The following OR4K14 variants were observed in gnomAD, a reference collection of about 807,000 sequenced individuals.
The protein encoded by OR4K14 is olfactory receptor 4K14.
For missense variants in OR4K14, 406 were observed against 373.6 expected, an observed-to-expected ratio of 1.09 and a Z score of -0.72; for synonymous variants, 153 against 141.5, an observed-to-expected ratio of 1.08 and a Z score of -0.58.
At position 20,014,439 on chromosome 14, in the gene OR4K14, A is replaced by C. The variant is rs367811368; in HGVS notation, c.755T>G (p.Phe252Cys). Residue 252 changes from phenylalanine (F) to cysteine (C), a missense_variant, in exon 2 of 2, where the codon TTT becomes TGT. Transcript: ENST00000641793. ...SAHIMVVTLF[F>C]GPCIFVYVRP... ...CACATAAACAAAAATGCAAGGGCCA[A>C]AGAACAGCGTCACTACCATGATATG... 1.3e-4 allele frequency: 205 copies of C among 1,614,178 alleles called. 1 individual carries two copies. In the South Asian group the frequency reaches 1.5e-3, roughly 12 times the overall value.
chr14:20,014,803 A>G lies in OR4K14; in HGVS notation c.391T>C (p.Leu131=), dbSNP rs1488707587. Residue 131 remains leucine, a synonymous_variant, in exon 2 of 2, where the codon TTG becomes CTG. Coordinates refer to ENST00000641793, the MANE Select transcript of OR4K14 (RefSeq NM_001004712.2). ...YDRYVAICKP[L]HYMTLMSWQT... is the part of the protein sequence containing the mutation. ...CAACTCATCAAAGTCATGTAATGCA[A>G]GGGTTTGCATATGGCCACATATCTG... 47 of 1,614,040 alleles carry G rather than the reference A, an allele frequency of 2.9e-5. No individual in the cohort carries two copies. Among genetic ancestry groups the G allele is most frequent in the Non-Finnish European group, 3.8e-5 (45 of 1,180,022 alleles).
intron 1 of OR4K14, among the ~76,000 whole-genome samples, chr14:20,015,687 G>T (rs1256542944): frequency 6.6e-6 from 1 of 152,080 alleles, no homozygotes; most frequent in Non-Finnish European, 1.5e-5. Context: ...AGGAAGAAAA[G>T]AAGTAAGTGA....
chr14:20,015,250 T>G, intron 1 of OR4K14, 28 bp from the exon 2 acceptor site: 1 of 1,050,444 alleles, frequency 9.5e-7, no homozygotes, highest in Non-Finnish European at 1.4e-6. Flanking sequence ...TCCTGTCATT[T>G]GCAGCAACAC....
In OR4K14 at chr14:20,014,537, G is replaced by A; in HGVS notation, c.657C>T (p.Tyr219=). 1 of 1,614,116 alleles carries A rather than the reference G, an allele frequency of 6.2e-7. No homozygotes were observed. The highest frequency in any genetic ancestry group is 8.5e-7 in the Non-Finnish European group (1 of 1,179,996). The stretch of plus-strand genomic sequence containing the variant: ...GTCTGATAGCGAGGAGGATCACGGT[G>A]TAGGAGATCAGGAGGAGCAGAAAAC... ...LSCFLLLLIS[Y]TVILLAIRQR... Residue 219 remains tyrosine, a synonymous_variant, in exon 2 of 2, where the codon TAC becomes TAT. Transcript: ENST00000641793.
Position 20,014,991 on chromosome 14 carries a change from G to C in OR4K14, c.203C>G (p.Ala68Gly), listed in dbSNP as rs113203960. ...SPMYFLLGNL[A>G]FLDMWLASFA... Reference sequence around the variant, plus strand: ...TGAGGCCAGCCACATGTCCAGGAAAGCTAGGTTCCCCAGCAGGAAGTACAT... The same window carrying C: ...TGAGGCCAGCCACATGTCCAGGAAACCTAGGTTCCCCAGCAGGAAGTACAT... The change falls in exon 2 of 2, where the codon GCT becomes GGT. Residue 68 changes from alanine (A) to glycine (G), a missense_variant. Physicochemically the swap from Ala to Gly is moderately conservative, Grantham distance 60. Transcript: ENST00000641793. 1.9e-6 allele frequency: 3 copies of C among 1,613,918 alleles called. No individual in the cohort carries two copies. In the African/African-American group the frequency reaches 4.0e-5, roughly 22 times the overall value.
At chr14:20,015,310 A>G (rs1362336142) in intron 1 of OR4K14, 88 bp from the exon 2 acceptor site, 11 of 623,244 alleles carry the variant, frequency 1.8e-5, no homozygotes, top group Non-Finnish European at 3.0e-5. Flanking sequence ...AAAGACAAAT[A>G]TCAAATGATG....
rs762483500 is a variant in OR4K14 at position 20,014,460 on chromosome 14, A to T, written c.734T>A (p.Ile245Asn). 2 of 1,614,002 alleles carry T rather than the reference A, an allele frequency of 1.2e-6. No homozygotes were observed. Among genetic ancestry groups the T allele is most frequent in the Non-Finnish European group, 1.7e-6 (2 of 1,179,998 alleles). The part of the protein sequence containing the change: ...SKALSTCSAH[I>N]MVVTLFFGPC... ...GCCAAAGAACAGCGTCACTACCATGATATGTGCAGAGCAAGTGGAGAGTGC... is the reference window on the plus strand; with the variant it reads ...GCCAAAGAACAGCGTCACTACCATGTTATGTGCAGAGCAAGTGGAGAGTGC... The change falls in exon 2 of 2, where the codon ATC (isoleucine) becomes AAC (asparagine). Residue 245 changes from isoleucine (I) to asparagine (N), a missense_variant. By Grantham distance (149) the Ile-to-Asn change is moderately radical. Coordinates refer to ENST00000641793, the MANE Select transcript of OR4K14 (RefSeq NM_001004712.2).
rs1381801272 is a variant in OR4K14 at position 20,014,150 on chromosome 14, T to G, written c.*111A>C. 1 of 688,590 alleles carries G rather than the reference T, an allele frequency of 1.5e-6. No homozygotes were observed. Among genetic ancestry groups the G allele is most frequent in the African/African-American group, 1.8e-5 (1 of 55,808 alleles). The allele number at this position is 688,590 out of a possible 1,614,324, so 42.7% of individuals were successfully genotyped here. The stretch of plus-strand genomic sequence containing the variant: ...AACTGTTTCTCTGTAATATAACACA[T>G]TACAAATTATATCAATGTAGTGTCA... On this transcript the variant is annotated 3_prime_UTR_variant, in exon 2 of 2. Transcript: ENST00000641793.
rs1877160724 is a variant in OR4K14, at chr14:20,019,290, A to G, written c.-177T>C. 1 of 152,102 alleles carries G rather than the reference A, an allele frequency of 6.6e-6. No homozygotes were observed. Among genetic ancestry groups the G allele is most frequent in the Admixed American group, 6.5e-5 (1 of 15,274 alleles). 9.4% of individuals were successfully genotyped at this position (152,102 alleles called of 1,614,324 possible). A position where few individuals can be genotyped will look rare whatever the true frequency, so the allele number is the denominator to read the frequency against. ...TCTGCATCTTAAAAACAATTCAGGA[A>G]AAGCATTATTTTAAAGTTAGAGAAC... On this transcript the variant is annotated 5_prime_UTR_variant, in exon 1 of 2. Transcript: ENST00000641793.
chr14:20,018,530 A>G (rs1434711711), intron 1 of OR4K14, among the ~76,000 whole-genome samples: 4 of 152,006 alleles, frequency 2.6e-5, no homozygotes, highest in Non-Finnish European at 4.4e-5. Context: ...ACTTTTATTG[A>G]TATTCTTTTC....
chr14:20,018,483 C>A (rs947377354), intron 1 of OR4K14, among the ~76,000 whole-genome samples: 1 of 152,116 alleles, frequency 6.6e-6, no homozygotes, highest in East Asian at 1.9e-4. Context: ...TCCTCTGACA[C>A]CCATTCTAGC....
chr14:20,018,018 C>A (rs895870562), intron 1 of OR4K14, among the ~76,000 whole-genome samples: 2 of 151,876 alleles, frequency 1.3e-5, no homozygotes, highest in African/African-American at 4.8e-5. Flanking sequence ...TAGAATCCTT[C>A]ATGAGAAATT....
intron 1 of OR4K14, among the ~76,000 whole-genome samples, chr14:20,018,837 ATGT>A (rs977889808): frequency 1.3e-5 from 2 of 151,880 alleles, no homozygotes; most frequent in Non-Finnish European, 2.9e-5. Flanking sequence ...ATATTAAAAG[ATGT>A]TGTAATAAAT....
Position 20,014,171 on chromosome 14 carries a change from T to A in OR4K14, c.*90A>T, listed in dbSNP as rs77759123. Reference sequence around the variant, plus strand: ...CACATTACAAATTATATCAATGTAGTGTCAGAATGAAATCTTTGAGCAGAA... The same window carrying A: ...CACATTACAAATTATATCAATGTAGAGTCAGAATGAAATCTTTGAGCAGAA... On this transcript the variant is annotated 3_prime_UTR_variant, in exon 2 of 2. Coordinates refer to ENST00000641793, the MANE Select transcript of OR4K14 (RefSeq NM_001004712.2). 7.7e-3 allele frequency: 5,960 copies of A among 775,740 alleles called. 203 individuals carry two copies. The African/African-American group carries it at 0.083, about 11-fold the overall frequency. The allele number at this position is 775,740 out of a possible 1,614,324, so 48.1% of individuals were successfully genotyped here.
chr14:20,018,831 T>C (rs1877150501), intron 1 of OR4K14, among the ~76,000 whole-genome samples: 1 of 151,902 alleles, frequency 6.6e-6, no homozygotes, highest in African/African-American at 2.4e-5. Context: ...AAATGGATAT[T>C]AAAAGATGTT....
chr14:20,015,005 C>T lies in OR4K14; in HGVS notation c.189G>A (p.Leu63=). 2.5e-6 allele frequency: 4 copies of T among 1,613,960 alleles called. No individual in the cohort carries two copies. Among genetic ancestry groups the T allele is most frequent in the Non-Finnish European group, 3.4e-6 (4 of 1,179,932 alleles). The change falls in exon 2 of 2, where the codon CTG becomes CTA. Residue 63 remains leucine (L), a synonymous_variant. Transcript: ENST00000641793. The part of the protein sequence containing the change: ...PCLHSSPMYF[L]LGNLAFLDMW... ...TGTCCAGGAAAGCTAGGTTCCCCAGCAGGAAGTACATAGGGGAGGAGTGCA... is the reference window on the plus strand; with the variant it reads ...TGTCCAGGAAAGCTAGGTTCCCCAGTAGGAAGTACATAGGGGAGGAGTGCA...
At position 20,014,538 on chromosome 14, in the gene OR4K14, TAGG is replaced by T; in HGVS notation, c.653_655del (p.Ser218del). ...TCTGATAGCGAGGAGGATCACGGTG[TAGG>T]AGATCAGGAGGAGCAGAAAACAGCT... On this transcript the variant is annotated inframe_deletion, in exon 2 of 2. Coordinates refer to ENST00000641793, the MANE Select transcript of OR4K14 (RefSeq NM_001004712.2). 2 of 1,613,956 alleles carry T rather than the reference TAGG, an allele frequency of 1.2e-6. No homozygotes were observed. Among genetic ancestry groups the T allele is most frequent in the Non-Finnish European group, 1.7e-6 (2 of 1,179,978 alleles).
intron 1 of OR4K14, among the ~76,000 whole-genome samples, chr14:20,018,414 C>T (rs9323361): frequency 0.92 from 140,369 of 151,902 alleles, 64,928 homozygotes; most frequent in Middle Eastern, 0.98. Context: ...AGCCAAAATC[C>T]CCAACGGGTA....
In OR4K14 at chr14:20,014,445, A is replaced by G. The variant is rs1877043761; in HGVS notation, c.749T>C (p.Leu250Pro). The change falls in exon 2 of 2, where the codon CTG becomes CCG. Residue 250 changes from leucine to proline, a missense_variant. By Grantham distance (98) the Leu-to-Pro change is moderately conservative. Coordinates refer to ENST00000641793, the MANE Select transcript of OR4K14 (RefSeq NM_001004712.2). ...AACAAAAATGCAAGGGCCAAAGAAC[A>G]GCGTCACTACCATGATATGTGCAGA... ...TCSAHIMVVT[L>P]FFGPCIFVYV... 6.2e-7 allele frequency: 1 copy of G among 1,614,062 alleles called. No individual in the cohort carries two copies. Among genetic ancestry groups the G allele is most frequent in the South Asian group, 1.1e-5 (1 of 91,084 alleles).
Sources: allele counts gnomAD v4.1 joint callset (sites outside exome capture counted in the v4.1 genomes callset), GRCh38; gene constraint gnomAD v4.1.1; transcripts MANE v1.5; gene names NCBI Gene and HGNC (gene_info 2026-07-23, HGNC 2026-07-21).